The following PKNOX2 variants were observed in gnomAD, a reference collection of about 807,000 sequenced individuals.
PKNOX2 encodes homeobox protein PKNOX2.
Under a neutral mutation model 53.1 loss-of-function variants are expected in PKNOX2, and 14 were observed. That is an observed-to-expected ratio of 0.26 (90% CI 0.17 to 0.41). The LOEUF is 0.41. PKNOX2 is among the 10% of genes least tolerant of loss of function. The pLI is 1.00. For missense variants in PKNOX2, 496 were observed against 602.8 expected, an observed-to-expected ratio of 0.82 and a Z score of 1.85; for synonymous variants, 257 against 242.8, an observed-to-expected ratio of 1.06 and a Z score of -0.54.
intron 1 of PKNOX2, among the ~76,000 whole-genome samples, chr11:125,233,181 T>C (rs60837669): frequency 0.03 from 4,504 of 152,302 alleles, 205 homozygotes; most frequent in African/African-American, 0.1. Flanking sequence ...TATAACAATC[T>C]TGAATCTAGC....
chr11:125,227,349 C>A (rs144891309), intron 1 of PKNOX2, among the ~76,000 whole-genome samples: 1 of 152,146 alleles, frequency 6.6e-6, no homozygotes, highest in African/African-American at 2.4e-5. Flanking sequence ...ACTGAAACTC[C>A]GTAGTCAGTA....
intron 2 of PKNOX2, among the ~76,000 whole-genome samples, chr11:125,281,800 G>T (rs1439430203): frequency 3.3e-5 from 5 of 152,206 alleles, no homozygotes; most frequent in Non-Finnish European, 5.9e-5. Flanking sequence ...ATCACTGGAG[G>T]TTTTCTTGAA....
At chr11:125,252,628 G>A (rs1000379462) in intron 2 of PKNOX2, among the ~76,000 whole-genome samples, 1 of 152,086 alleles carries the variant, frequency 6.6e-6, no homozygotes, top group African/African-American at 2.4e-5. Flanking sequence ...TTCTGGTTTG[G>A]GCAACTGGTG....
chr11:125,262,176 G>A (rs189756504), intron 2 of PKNOX2, among the ~76,000 whole-genome samples: 2 of 152,348 alleles, frequency 1.3e-5, no homozygotes, highest in African/African-American at 4.8e-5. Flanking sequence ...ATGAGGAAGG[G>A]CTGAAGAGTA....
chr11:125,268,288 C>T (rs1051149330), intron 2 of PKNOX2, among the ~76,000 whole-genome samples: 3 of 152,194 alleles, frequency 2.0e-5, no homozygotes, highest in Admixed American at 6.5e-5. Flanking sequence ...TTTTGGGAAC[C>T]GCGTGCTGTA....
At chr11:125,237,605 C>T (rs942738994) in intron 2 of PKNOX2, among the ~76,000 whole-genome samples, 4 of 152,186 alleles carry the variant, frequency 2.6e-5, no homozygotes, top group South Asian at 4.1e-4. Flanking sequence ...GGCTAAAGAA[C>T]CCCCTGCCTT....
chr11:125,376,568 T>C (rs1952854437), intron 5 of PKNOX2, among the ~76,000 whole-genome samples: 2 of 152,208 alleles, frequency 1.3e-5, no homozygotes, highest in Non-Finnish European at 2.9e-5. Context: ...AGCTGCCAGA[T>C]GGCAAAATCT....
At chr11:125,419,181 G>A (rs1956039944) in intron 10 of PKNOX2, among the ~76,000 whole-genome samples, 1 of 151,948 alleles carries the variant, frequency 6.6e-6, no homozygotes, top group Non-Finnish European at 1.5e-5. Context: ...ACCTAGCTTG[G>A]CGAGCTTGGG....
At chr11:125,176,968 A>G (rs1651911682) in intron 1 of PKNOX2, among the ~76,000 whole-genome samples, 1 of 152,230 alleles carries the variant, frequency 6.6e-6, no homozygotes, top group Admixed American at 6.5e-5. Flanking sequence ...TTCTTCCTAC[A>G]GCCCCAGTTA....
intron 5 of PKNOX2, among the ~76,000 whole-genome samples, chr11:125,373,737 G>A (rs1952683144): frequency 6.6e-6 from 1 of 152,212 alleles, no homozygotes; most frequent in Admixed American, 6.5e-5. Context: ...GCATGCGTAA[G>A]GCATTGTGGT....
At chr11:125,201,349 C>T (rs1038699574) in intron 1 of PKNOX2, among the ~76,000 whole-genome samples, 2 of 151,514 alleles carry the variant, frequency 1.3e-5, no homozygotes, top group Non-Finnish European at 2.9e-5. Context: ...ACCTCTGGAA[C>T]TGCATCCTTC....
intron 1 of PKNOX2, among the ~76,000 whole-genome samples, chr11:125,175,141 C>T (rs1023145335): frequency 2.9e-4 from 44 of 152,136 alleles, no homozygotes; most frequent in African/African-American, 1.1e-3. Context: ...TAGGGGGAGC[C>T]TCTTTCCAAG....
In PKNOX2 at chr11:125,411,884, G is replaced by C. The variant is rs757544847; in HGVS notation, c.936+19G>C. 3 of 1,613,690 alleles carry C rather than the reference G, an allele frequency of 1.9e-6. No individual in the cohort carries two copies. Among genetic ancestry groups the C allele is most frequent in the Non-Finnish European group, 2.5e-6 (3 of 1,179,820 alleles). ...TCTCATGGTGAGTGTGTGTGTCTTG[G>C]GGGTGTGGAGTCCCGGCATGGGGTA... On this transcript the variant is annotated intron_variant, in intron 10 of 12. Transcript: ENST00000298282.
chr11:125,206,927 C>T (rs1939188596), intron 1 of PKNOX2, among the ~76,000 whole-genome samples: 1 of 150,444 alleles, frequency 6.6e-6, no homozygotes, highest in East Asian at 2.0e-4. Flanking sequence ...TGTAGTACAG[C>T]AGGCAAGTGA....
At chr11:125,245,309 G>A (rs1310097823) in intron 2 of PKNOX2, among the ~76,000 whole-genome samples, 1 of 152,200 alleles carries the variant, frequency 6.6e-6, no homozygotes, top group Non-Finnish European at 1.5e-5. Flanking sequence ...TGTGCCAAGT[G>A]CTTCACATGC....
At chr11:125,364,732 A>G (rs1191343910) in intron 4 of PKNOX2, among the ~76,000 whole-genome samples, 1 of 152,226 alleles carries the variant, frequency 6.6e-6, no homozygotes, top group Non-Finnish European at 1.5e-5. Context: ...GAAGCGCTCT[A>G]GAGTTTCCAA....
chr11:125,413,611 C>T (rs1423656938), intron 10 of PKNOX2, among the ~76,000 whole-genome samples: 1 of 152,176 alleles, frequency 6.6e-6, no homozygotes, highest in Non-Finnish European at 1.5e-5. Flanking sequence ...AGCTCATGGG[C>T]TTTTGAGGCA....
intron 2 of PKNOX2, among the ~76,000 whole-genome samples, chr11:125,273,790 TTTTTGTTTTG>T (rs533583981): frequency 2.0e-3 from 303 of 152,284 alleles, no homozygotes; most frequent in Middle Eastern, 0.01. Flanking sequence ...CATTCTATAG[TTTTTGTTTTG>T]TTTTGTTTTG....
rs749421871 is a variant in PKNOX2 at position 125,385,656 on chromosome 11, C to T, written c.333C>T (p.Asn111=). 2 of 1,613,940 alleles carry T rather than the reference C, an allele frequency of 1.2e-6. No individual in the cohort carries two copies. Among genetic ancestry groups the T allele is most frequent in the South Asian group, 2.2e-5 (2 of 91,038 alleles). The stretch of plus-strand genomic sequence containing the variant: ...CCAGCTTTGATGTGGACATCGAGAA[C>T]TTTGTCCACCAGCAGGAACAGGAGC... ...TSASFDVDIE[N]FVHQQEQEHK... Residue 111 remains asparagine, a synonymous_variant, in exon 6 of 13, where the codon AAC becomes AAT. Coordinates refer to ENST00000298282, the MANE Select transcript of PKNOX2 (RefSeq NM_001382323.2).
Sources: gnomAD v4.1 joint callset for allele counts (sites outside exome capture counted in the v4.1 genomes callset) on GRCh38, gnomAD v4.1.1 for gene constraint, MANE v1.5 for transcripts, NCBI Gene and HGNC (gene_info 2026-07-23, HGNC 2026-07-21) for gene names.